The following AKT1 variants were observed in gnomAD, a reference collection of about 807,000 sequenced individuals.
The protein encoded by AKT1 is AKT serine/threonine kinase 1.
Under a neutral mutation model 63.1 loss-of-function variants are expected in AKT1, and 21 were observed. That is an observed-to-expected ratio of 0.33 (90% CI 0.24 to 0.48). The LOEUF is 0.48. Among genes scored for constraint, AKT1 ranks in the 20% least tolerant of loss-of-function variants. The pLI, the probability that AKT1 is intolerant of heterozygous loss-of-function variation, is 0.99. For synonymous variants in AKT1, 257 were observed against 253.1 expected, an observed-to-expected ratio of 1.02 and a Z score of -0.15; for missense variants, 382 against 666.0, an observed-to-expected ratio of 0.57 and a Z score of 4.69.
At chr14:104,783,869 A>G (rs1185165468) in intron 3 of AKT1, among the ~76,000 whole-genome samples, 2 of 152,194 alleles carry the variant, frequency 1.3e-5, no homozygotes, top group African/African-American at 4.8e-5. Flanking sequence ...CCTGGGCCTC[A>G]GGGTCTGGCA....
At chr14:104,770,481 C>T in intron 14 of AKT1, 61 bp from the exon 15 acceptor site, 1 of 1,476,408 alleles carries the variant, frequency 6.8e-7, no homozygotes, top group Non-Finnish European at 9.1e-7. Flanking sequence ...CACCCACCCA[C>T]AGCTCCAGTA....
At chr14:104,791,553 G>A (rs1566826401) in intron 3 of AKT1, among the ~76,000 whole-genome samples, 3 of 152,062 alleles carry the variant, frequency 2.0e-5, no homozygotes, top group Non-Finnish European at 2.9e-5. Context: ...ATCTCATCTC[G>A]GTCACTCCTT....
At position 104,775,647 on chromosome 14, in the gene AKT1, C is replaced by G. The variant is rs756440802; in HGVS notation, c.435+5G>C. On this transcript the variant is annotated splice_donor_5th_base_variant and intron_variant, in intron 6 of 14. Coordinates refer to ENST00000649815, the MANE Select transcript of AKT1 (RefSeq NM_001382430.1). ...GGCACAGGCAGAAGTGGGGACAGGC[C>G]TCACCACGCGGTGCTTGGGCTTGGC... is the stretch of plus-strand genomic sequence containing the variant. 6.2e-7 allele frequency: 1 copy of G among 1,613,750 alleles called. No homozygotes were observed. The highest frequency in any genetic ancestry group is 8.5e-7 in the Non-Finnish European group (1 of 1,179,836).
At chr14:104,783,785 C>A (rs1265614703) in intron 3 of AKT1, among the ~76,000 whole-genome samples, 1 of 152,170 alleles carries the variant, frequency 6.6e-6, no homozygotes, top group Non-Finnish European at 1.5e-5. Context: ...GGCTCAAGAA[C>A]CCCCAAGTCC....
At position 104,775,671 on chromosome 14, in the gene AKT1, G is replaced by A. The variant is rs1445658903; in HGVS notation, c.416C>T (p.Ala139Val). 2 of 1,614,042 alleles carry A rather than the reference G, an allele frequency of 1.2e-6. No individual in the cohort carries two copies. The highest frequency in any genetic ancestry group is 1.1e-5 in the South Asian group (1 of 91,084). ...CCTCACCACGCGGTGCTTGGGCTTG[G>A]CCAGGGACACCTCCATCTCTTCAGC... ...SGAEEMEVSL[A>V]KPKHRVTMNE... The change falls in exon 6 of 15, where the codon GCC becomes GTC. Residue 139 changes from alanine (A) to valine (V), a missense_variant. By Grantham distance (64) the Ala-to-Val change is moderately conservative (BLOSUM62 0). Transcript: ENST00000649815.
intron 6 of AKT1, 196 bp from the exon 7 acceptor site, chr14:104,775,403 C>G: frequency 4.3e-6 from 5 of 1,159,640 alleles, no homozygotes; most frequent in Non-Finnish European, 5.9e-6. Context: ...CAGCTCAGAG[C>G]ATGGGGTTCA....
intron 8 of AKT1, chr14:104,774,348 G>A: frequency 6.1e-6 from 2 of 325,490 alleles, no homozygotes; most frequent in South Asian, 7.2e-5. Flanking sequence ...CCTGGGCTCA[G>A]GTCCTCCAGG....
chr14:104,769,996 G>A lies in AKT1; in HGVS notation c.*345C>T. On this transcript the variant is annotated 3_prime_UTR_variant, in exon 15 of 15. Transcript: ENST00000649815. ...AGGGCGGCTGGCTGACAGAGTGAGG[G>A]GACACATGGGCAGGACCTGCCCGGC... The A allele has an allele frequency of 2.2e-6, 1 of 447,100 alleles. No homozygotes were observed. The highest frequency in any genetic ancestry group is 4.1e-6 in the Non-Finnish European group (1 of 242,764). The allele number at this position is 447,100 out of a possible 1,614,324, so 27.7% of individuals were successfully genotyped here.
chr14:104,775,784 G>T lies in AKT1; in HGVS notation c.303C>A (p.Thr101=). The T allele has an allele frequency of 6.2e-7, 1 of 1,613,912 alleles. No individual in the cohort carries two copies. The highest frequency in any genetic ancestry group is 8.5e-7 in the Non-Finnish European group (1 of 1,179,934). Residue 101 remains threonine (T), a synonymous_variant, in exon 6 of 15, where the codon ACC becomes ACA. Transcript: ENST00000649815. ...ETPEEREEWT[T]AIQTVADGLK... ...GGCCGTCAGCCACAGTCTGGATGGC[G>T]GTTGTCCACTCCTCCCTGCAGGAGG...
At chr14:104,774,205 T>G in intron 8 of AKT1, 1 of 511,118 alleles carries the variant, frequency 2.0e-6, no homozygotes. Context: ...CACCCCCACA[T>G]CACACTGCCC....
At chr14:104,777,019 A>C in intron 4 of AKT1, 2 of 478,622 alleles carry the variant, frequency 4.2e-6, no homozygotes, top group Non-Finnish European at 7.6e-6. Context: ...CGTCAGGTCA[A>C]ACCCCCACCA....
rs146875699 is a variant in AKT1 at position 104,780,125 on chromosome 14, G to C, written c.138C>G (p.Asp46Glu). The C allele has an allele frequency of 6.2e-7, 1 of 1,613,688 alleles. No homozygotes were observed. The highest frequency in any genetic ancestry group is 8.5e-7 in the Non-Finnish European group (1 of 1,179,968). Residue 46 changes from aspartate (D) to glutamate (E), a missense_variant, in exon 4 of 15, where the codon GAC (aspartate) becomes GAG (glutamate). Asp to Glu is a conservative substitution (Grantham distance 45). Around this residue, in one of 3 missense-constraint regions of AKT1, gnomAD observed 226 missense variants for 366.4 expected, o/e 0.62. Transcript: ENST00000649815. Reference protein sequence around the residue: ...IGYKERPQDVDQREAPLNNFS... With the variant: ...IGYKERPQDVEQREAPLNNFS... ...AGTTGTTGAGGGGAGCCTCACGTTG[G>C]TCCACATCCTGCGGCCGCTCCTTGT... is the stretch of plus-strand genomic sequence containing the variant.
chr14:104,769,446 T>G lies in AKT1; in HGVS notation c.*895A>C, dbSNP rs983748482. On this transcript the variant is annotated 3_prime_UTR_variant, in exon 15 of 15. Transcript: ENST00000649815. ...AGTTGAATGTTGTAAAAAAACGCCG[T>G]GGTGCAGCGGCAGCGGCAGCGTCTG... The G allele has an allele frequency of 4.8e-5, 20 of 417,462 alleles. No individual in the cohort carries two copies. The highest frequency in any genetic ancestry group is 8.6e-5 in the Non-Finnish European group (19 of 219,892). 25.9% of individuals were successfully genotyped at this position (417,462 alleles called of 1,614,324 possible). A position where few individuals can be genotyped will look rare whatever the true frequency, so the allele number is the denominator to read the frequency against.
chr14:104,776,990 C>G, intron 4 of AKT1: 1 of 522,950 alleles, frequency 1.9e-6, no homozygotes, highest in Non-Finnish European at 3.4e-6. Context: ...GAGGCAGCCA[C>G]ACAGGGCATC....
intron 4 of AKT1, 122 bp downstream of exon 4, chr14:104,779,966 T>G: frequency 7.1e-7 from 1 of 1,409,122 alleles, no homozygotes; most frequent in Non-Finnish European, 9.5e-7. Context: ...CAGCCAGTGC[T>G]TGTTGCTTGC....
At position 104,773,073 on chromosome 14, in the gene AKT1, T is replaced by C. The variant is rs2140902846; in HGVS notation, c.977A>G (p.Tyr326Cys). The C allele has an allele frequency of 6.2e-7, 1 of 1,613,896 alleles. No homozygotes were observed. The highest frequency in any genetic ancestry group is 2.2e-5 in the East Asian group (1 of 44,878). The change falls in exon 12 of 15, where the codon TAC becomes TGC. Residue 326 changes from tyrosine to cysteine, a missense_variant. Coordinates refer to ENST00000649815, the MANE Select transcript of AKT1 (RefSeq NM_001382430.1). ...CCCCCACCAGTCCACTGCACGGCCG[T>C]AGTCATTGTCCTCCAGCACCTGCAC... ...LAPEVLEDND[Y>C]GRAVDWWGLG...
In AKT1 at chr14:104,773,895, G is replaced by A. The variant is rs372953510; in HGVS notation, c.702+17C>T. ...CCACAGGCCGCGAAGTCCATCCCCC[G>A]CAGCCCCAGCCCCTACCTCGCCCCC... is the stretch of plus-strand genomic sequence containing the variant. On this transcript the variant is annotated intron_variant, in intron 9 of 14. Transcript: ENST00000649815. 24 of 1,595,550 alleles carry A rather than the reference G, an allele frequency of 1.5e-5. No homozygotes were observed. The South Asian group carries it at 1.6e-4, about 10-fold the overall frequency.
chr14:104,783,767 C>T (rs1193191013), intron 3 of AKT1, among the ~76,000 whole-genome samples: 2 of 152,164 alleles, frequency 1.3e-5, no homozygotes, highest in Non-Finnish European at 2.9e-5. Flanking sequence ...TCTCACACCC[C>T]CATGCTGGGC....
In AKT1 at chr14:104,779,739, C is replaced by T. The variant is rs11851662; in HGVS notation, c.175+349G>A. ...CCCAGCCAGCCTCGGCCTCGGGACT[C>T]GGACCAGAGACCCCCGCCCAGCCAG... On this transcript the variant is annotated intron_variant, in intron 4 of 14. Coordinates refer to ENST00000649815, the MANE Select transcript of AKT1 (RefSeq NM_001382430.1). Among the ~76,000 whole-genome samples, 1,365 of 149,476 alleles carry T rather than the reference C, an allele frequency of 9.1e-3. 17 individuals carry two copies. Among genetic ancestry groups the T allele is most frequent in the African/African-American group, 0.032 (1,267 of 40,114 alleles).
Sources: gnomAD v4.1 joint callset for allele counts (sites outside exome capture counted in the v4.1 genomes callset) on GRCh38, gnomAD v4.1.1 for gene constraint, gnomAD v4.1.1 regional missense constraint, MANE v1.5 for transcripts, NCBI Gene and HGNC (gene_info 2026-07-23, HGNC 2026-07-21) for gene names.